The following HDAC9 variants were observed in gnomAD, a reference collection of about 807,000 sequenced individuals.
The protein encoded by HDAC9 is histone deacetylase 9, also known as MEF-2 interacting transcription repressor (MITR) protein.
Under a neutral mutation model 139.4 loss-of-function variants are expected in HDAC9, and 41 were observed. That is an observed-to-expected ratio of 0.29 (90% CI 0.23 to 0.38). The LOEUF is 0.38. Among genes scored for constraint, HDAC9 ranks in the 10% least tolerant of loss-of-function variants. The pLI is 1.00. For synonymous variants in HDAC9, 517 were observed against 476.2 expected (o/e 1.09, Z -1.12); for missense variants, 1,147 against 1,297.0 (o/e 0.88, Z 1.78).
chr7:18,884,487 T>C (rs113299286), intron 22 of HDAC9, among the ~76,000 whole-genome samples: 18 of 152,132 alleles, frequency 1.2e-4, no homozygotes, highest in Admixed American at 2.6e-4. Context: ...AAACTAGATA[T>C]CCAAATGCAG....
At chr7:18,337,942 C>T (rs1008240196) in intron 1 of HDAC9, among the ~76,000 whole-genome samples, 10 of 151,716 alleles carry the variant, frequency 6.6e-5, no homozygotes, top group Admixed American at 6.6e-5. Context: ...TTATCCTTCT[C>T]TGGTGAGTTC....
At chr7:18,453,773 G>T (rs1470156392) in intron 1 of HDAC9, among the ~76,000 whole-genome samples, 1 of 152,006 alleles carries the variant, frequency 6.6e-6, no homozygotes, top group Non-Finnish European at 1.5e-5. Context: ...GATATTTTAT[G>T]CAGGTATCTG....
chr7:18,975,181 T>C (rs1784475667), intron 24 of HDAC9, among the ~76,000 whole-genome samples: 1 of 152,158 alleles, frequency 6.6e-6, no homozygotes, highest in Non-Finnish European at 1.5e-5. Context: ...AAAAGAAACA[T>C]CAGTATGACA....
Position 18,732,931 on chromosome 7 carries a change from ATGTATGTGTATACACACGTGTATGTGTG to A in HDAC9, c.1909+5187_1909+5214del, listed in dbSNP as rs1562893700. 9.4e-5 allele frequency among the ~76,000 whole-genome samples: 7 copies of A among 74,770 alleles called. No homozygotes were observed. The East Asian group carries it at 1.5e-3, about 16-fold the overall frequency. 49.1% of individuals were successfully genotyped at this position (74,770 alleles called of 152,430 possible). On this transcript the variant is annotated intron_variant, in intron 13 of 25. Transcript: ENST00000686413. Reference sequence around the variant, plus strand: ...TGCGTATGTGTATACACACGTGTGTATGTATGTGTATACACACGTGTATGTGTGTGTATGTGTATATACACATGTGTAT... The same window carrying A: ...TGCGTATGTGTATACACACGTGTGTATGTATGTGTATATACACATGTGTAT...
chr7:18,570,039 T>G lies in HDAC9; in HGVS notation c.23-15242T>G, dbSNP rs577542218. On this transcript the variant is annotated intron_variant, in intron 2 of 25. Coordinates refer to ENST00000686413, the MANE Select transcript of HDAC9 (RefSeq NM_178425.4). ...AACACTGTTTACAGTTAATTATGAT[T>G]TAGTATCTCTCTCTGTCTGATATAA... Among the ~76,000 whole-genome samples the G allele has an allele frequency of 2.0e-4, 31 of 152,356 alleles. No homozygotes were observed. In the South Asian group the frequency reaches 6.0e-3, roughly 30 times the overall value.
chr7:18,148,200 T>C (rs1009791207), intron 1 of HDAC9, among the ~76,000 whole-genome samples: 1 of 152,218 alleles, frequency 6.6e-6, no homozygotes, highest in Admixed American at 6.5e-5. Context: ...TCGAGTTCTA[T>C]AGATGAGAAA....
intron 6 of HDAC9, among the ~76,000 whole-genome samples, chr7:18,602,377 A>G (rs1178871896): frequency 6.6e-6 from 1 of 151,362 alleles, no homozygotes; most frequent in Non-Finnish European, 1.5e-5. Flanking sequence ...CTGTAGTTTC[A>G]TCAGTTGATC....
chr7:18,700,584 C>A (rs1318279219), intron 12 of HDAC9, among the ~76,000 whole-genome samples: 1 of 152,180 alleles, frequency 6.6e-6, no homozygotes, highest in Non-Finnish European at 1.5e-5. Flanking sequence ...TGCTCTGTAA[C>A]AAATCAGCCC....
chr7:18,359,914 G>A (rs148499299), intron 1 of HDAC9, among the ~76,000 whole-genome samples: 43 of 152,234 alleles, frequency 2.8e-4, no homozygotes, highest in African/African-American at 8.4e-4. Context: ...TGGCCACTTC[G>A]GTGATTTTCT....
intron 6 of HDAC9, among the ~76,000 whole-genome samples, chr7:18,622,192 T>C (rs929466387): frequency 6.6e-6 from 1 of 152,154 alleles, no homozygotes; most frequent in African/African-American, 2.4e-5. Context: ...CAGGGAAGAA[T>C]AGACAATGCC....
chr7:18,949,653 C>T (rs1188834463), intron 23 of HDAC9: 1 of 157,210 alleles, frequency 6.4e-6, no homozygotes, highest in African/African-American at 2.4e-5. Context: ...TGCTCATTTT[C>T]ATCATCATCC....
intron 2 of HDAC9, among the ~76,000 whole-genome samples, chr7:18,252,179 T>C (rs1584853499): frequency 6.6e-6 from 1 of 152,258 alleles, no homozygotes; most frequent in East Asian, 1.9e-4. Context: ...ATATGAAATA[T>C]TTGTTGCCAT....
Position 18,629,363 on chromosome 7 carries a change from C to T in HDAC9, c.678C>T (p.Asn226=), listed in dbSNP as rs779197960. ...FPLRKTASEP[N]LKVRSRLKQK... ...CTCAATCCCCAGCCTCTGAGCCCAA[C>T]TTGAAGGTGCGGTCCAGGTTAAAAC... Residue 226 remains asparagine (N), a synonymous_variant, in exon 7 of 26, where the codon AAC becomes AAT. Transcript: ENST00000686413. 2.5e-6 allele frequency: 4 copies of T among 1,587,218 alleles called. No individual in the cohort carries two copies. The highest frequency in any genetic ancestry group is 1.8e-5 in the Admixed American group (1 of 56,854).
chr7:18,787,063 A>C (rs1398132253), intron 16 of HDAC9, among the ~76,000 whole-genome samples: 1 of 152,114 alleles, frequency 6.6e-6, no homozygotes, highest in African/African-American at 2.4e-5. Flanking sequence ...TAGAGGGTTT[A>C]AAATGTTTTG....
chr7:18,835,710 CCCATGGGA>C lies in HDAC9; in HGVS notation c.2586+128_2586+135del, dbSNP rs1414433944. 3 of 1,338,086 alleles carry C rather than the reference CCCATGGGA, an allele frequency of 2.2e-6. No individual in the cohort carries two copies. In the African/African-American group the frequency reaches 4.3e-5, roughly 19 times the overall value. 82.9% of individuals were successfully genotyped at this position (1,338,086 alleles called of 1,614,324 possible). A position where few individuals can be genotyped will look rare whatever the true frequency, so the allele number is the denominator to read the frequency against. ...AAATTACACGAGATTACTGAATTGT[CCCATGGGA>C]CCAAGAACCAGTGCAGAACAAGTGC... On this transcript the variant is annotated intron_variant, in intron 20 of 25. Transcript: ENST00000686413.
At chr7:18,337,967 A>T (rs995382861) in intron 1 of HDAC9, among the ~76,000 whole-genome samples, 3 of 151,774 alleles carry the variant, frequency 2.0e-5, no homozygotes, top group Non-Finnish European at 4.4e-5. Flanking sequence ...AGTTTTAAAA[A>T]TGAGATAATG....
chr7:18,787,560 GT>G (rs1791925877), intron 16 of HDAC9, among the ~76,000 whole-genome samples: 1 of 152,158 alleles, frequency 6.6e-6, no homozygotes, highest in Non-Finnish European at 1.5e-5. Flanking sequence ...AAAGCATACT[GT>G]TTTTAGAATG....
chr7:18,609,551 G>C (rs1442944289), intron 6 of HDAC9, among the ~76,000 whole-genome samples: 3 of 152,024 alleles, frequency 2.0e-5, no homozygotes, highest in Non-Finnish European at 4.4e-5. Context: ...CTTAGTAAAA[G>C]CATTCTAAGT....
Position 18,091,320 on chromosome 7 carries a change from G to A in HDAC9, c.-97+4107G>A, listed in dbSNP as rs139679479. On this transcript the variant is annotated intron_variant, in intron 1 of 12. Coordinates refer to the HDAC9 transcript ENST00000417496. ...TTTGCTGCACCAGAGAGAGTATAAC[G>A]TGTTTCTGGTGAGCTTGAGGAGCAT... Among the ~76,000 whole-genome samples the A allele has an allele frequency of 6.4e-4, 98 of 152,292 alleles. 1 individual carries two copies. In the East Asian group the frequency reaches 0.014, roughly 22 times the overall value.
Sources: allele counts gnomAD v4.1 joint callset (sites outside exome capture counted in the v4.1 genomes callset), GRCh38; gene constraint gnomAD v4.1.1; transcripts MANE v1.5; gene names NCBI Gene and HGNC (gene_info 2026-07-23, HGNC 2026-07-21).